STUM: variants seen among roughly 807,000 people sequenced by gnomAD.
The protein encoded by STUM is protein stum homolog.
STUM carries 8 observed loss-of-function variants against 15.3 expected under a neutral mutation model. The observed-to-expected ratio is 0.52, with a 90% CI of 0.31 to 0.94. The LOEUF is 0.94. STUM is among the 40% of genes least tolerant of loss of function. The probability of loss-of-function intolerance (pLI) is 0.05; values close to 1 mark genes in which losing one functional copy is unlikely to be tolerated. For missense variants in STUM, 142 were observed against 204.9 expected (o/e 0.69, Z 1.87); for synonymous variants, 78 against 88.7 (o/e 0.88, Z 0.68).
At chr1:226,593,190 A>C (rs1668118300) in intron 1 of STUM, among the ~76,000 whole-genome samples, 1 of 151,170 alleles carries the variant, frequency 6.6e-6, no homozygotes, top group Non-Finnish European at 1.5e-5. Context: ...CGTCTCAAAA[A>C]AAAAAAAAAA....
chr1:226,584,774 C>T (rs1383275873), intron 1 of STUM, among the ~76,000 whole-genome samples: 1 of 152,150 alleles, frequency 6.6e-6, no homozygotes, highest in African/African-American at 2.4e-5. Context: ...GCATCTGTCC[C>T]CTAGTTTACT....
At chr1:226,592,824 A>G (rs1668111109) in intron 1 of STUM, among the ~76,000 whole-genome samples, 1 of 152,188 alleles carries the variant, frequency 6.6e-6, no homozygotes, top group Admixed American at 6.5e-5. Context: ...CCCTGAGCCC[A>G]CATCTCCCCC....
intron 1 of STUM, among the ~76,000 whole-genome samples, chr1:226,553,731 T>A (rs1225633991): frequency 2.0e-5 from 3 of 152,222 alleles, no homozygotes; most frequent in African/African-American, 7.2e-5. Context: ...CAGTGGTGCA[T>A]GATATGGACT....
At chr1:226,557,830 C>T (rs1460014616) in intron 1 of STUM, among the ~76,000 whole-genome samples, 1 of 152,162 alleles carries the variant, frequency 6.6e-6, no homozygotes, top group African/African-American at 2.4e-5. Context: ...AATGGTTCAA[C>T]ATATGCAAAT....
At chr1:226,557,963 G>T (rs1201471929) in intron 1 of STUM, among the ~76,000 whole-genome samples, 2 of 152,144 alleles carry the variant, frequency 1.3e-5, no homozygotes, top group African/African-American at 4.8e-5. Context: ...TCTCACCAAA[G>T]TTAGGTGTAG....
intron 1 of STUM, among the ~76,000 whole-genome samples, chr1:226,592,932 T>C (rs1440977431): frequency 1.3e-5 from 2 of 152,180 alleles, no homozygotes; most frequent in African/African-American, 2.4e-5. Flanking sequence ...GCGCCTGTAA[T>C]CCCAGCACTT....
In STUM at chr1:226,553,637, T is replaced by C. The variant is rs571883461; in HGVS notation, c.202+4531T>C. 5.3e-5 allele frequency among the ~76,000 whole-genome samples: 8 copies of C among 152,352 alleles called. No individual in the cohort carries two copies. In the South Asian group the frequency reaches 1.7e-3, roughly 32 times the overall value. ...TCTTATGAAAGGGATAGCCTAAATA[T>C]GAAGCAGTCCAAAATGTGGCCTGAT... On this transcript the variant is annotated intron_variant, in intron 1 of 3. Coordinates refer to ENST00000366788, the MANE Select transcript of STUM (RefSeq NM_001003665.4).
In STUM at chr1:226,552,202, G is replaced by A. The variant is rs1016060014; in HGVS notation, c.202+3096G>A. On this transcript the variant is annotated intron_variant, in intron 1 of 3. Transcript: ENST00000366788. This position sits in a 1 kb window ranked among gnomAD's most constrained non-coding sequence, Gnocchi z 4.7. ...TCTCCACCCAAGCAACAGTGCTCTC[G>A]GGATAACACTCATATCATGAGTGGG... Among the ~76,000 whole-genome samples, 5 of 152,166 alleles carry A rather than the reference G, an allele frequency of 3.3e-5. No homozygotes were observed. The highest frequency in any genetic ancestry group is 1.9e-4 in the East Asian group (1 of 5,174).
intron 3 of STUM, among the ~76,000 whole-genome samples, 174 bp from the exon 4 acceptor site, chr1:226,601,832 G>C (rs1239225642): frequency 4.6e-5 from 7 of 151,406 alleles, no homozygotes; most frequent in Non-Finnish European, 1.0e-4. Context: ...TCATTCTTTT[G>C]TTTCCCATTA....
At chr1:226,587,109 C>T (rs1029667131) in intron 1 of STUM, among the ~76,000 whole-genome samples, 8 of 152,176 alleles carry the variant, frequency 5.3e-5, no homozygotes, top group South Asian at 2.1e-4. Flanking sequence ...TCCCCAGCCC[C>T]GCCACAGAGT....
chr1:226,568,063 G>A (rs910870271), intron 1 of STUM, among the ~76,000 whole-genome samples: 12 of 152,120 alleles, frequency 7.9e-5, no homozygotes, highest in Non-Finnish European at 1.2e-4. Context: ...CCTAAGACAA[G>A]TGCACATCCA....
intron 1 of STUM, among the ~76,000 whole-genome samples, chr1:226,595,129 C>A (rs1668158697): frequency 6.6e-6 from 1 of 152,204 alleles, no homozygotes. Context: ...CAGTGCAGCC[C>A]CCAGTTAGTC....
chr1:226,594,178 G>T (rs1384185043), intron 1 of STUM, among the ~76,000 whole-genome samples: 2 of 152,090 alleles, frequency 1.3e-5, no homozygotes, highest in Admixed American at 1.3e-4. Context: ...AGGTGTGGGT[G>T]AGAGCAAAGG....
intron 1 of STUM, among the ~76,000 whole-genome samples, chr1:226,572,024 T>C (rs1667719730): frequency 1.3e-5 from 2 of 152,156 alleles, no homozygotes; most frequent in Admixed American, 1.3e-4. Context: ...ACCTGTGTTG[T>C]CAGAGCTGCT....
At chr1:226,583,220 A>G (rs370801753) in intron 1 of STUM, among the ~76,000 whole-genome samples, 5 of 151,802 alleles carry the variant, frequency 3.3e-5, no homozygotes, top group East Asian at 3.8e-4. Context: ...CTACTTCTTA[A>G]TGGGAGGAGC....
In STUM at chr1:226,557,050, C is replaced by G. The variant is rs1479990783; in HGVS notation, c.202+7944C>G. On this transcript the variant is annotated intron_variant, in intron 1 of 3. Transcript: ENST00000366788. Reference sequence around the variant, plus strand: ...ATACTCTATTATTAACTATATTTACCACACTGTGCAATAGAACTCAAAAAA... The same window carrying G: ...ATACTCTATTATTAACTATATTTACGACACTGTGCAATAGAACTCAAAAAA... Among the ~76,000 whole-genome samples the G allele has an allele frequency of 2.6e-5, 4 of 152,102 alleles. No individual in the cohort carries two copies. The East Asian group carries it at 7.7e-4, about 29-fold the overall frequency.
intron 1 of STUM, among the ~76,000 whole-genome samples, chr1:226,576,531 T>C (rs966916023): frequency 5.3e-5 from 8 of 152,204 alleles, no homozygotes; most frequent in Non-Finnish European, 1.2e-4. Flanking sequence ...ACTAGTGAGT[T>C]AGTGGACACC....
chr1:226,561,761 G>A (rs991770841), intron 1 of STUM, among the ~76,000 whole-genome samples: 3 of 152,182 alleles, frequency 2.0e-5, no homozygotes, highest in Admixed American at 2.0e-4. Context: ...TGGATGAGGA[G>A]CAGGATATTT....
chr1:226,567,103 G>A lies in STUM; in HGVS notation c.202+17997G>A, dbSNP rs1419922681. On this transcript the variant is annotated intron_variant, in intron 1 of 3. Transcript: ENST00000366788. This position sits in a 1 kb window ranked among gnomAD's most constrained non-coding sequence, Gnocchi z 4.5. ...CTTCTTGGAAGTAGATCTGGTTGGG[G>A]GAGAAGGAGACCAGCCTGTTCCTAG... is the stretch of plus-strand genomic sequence containing the variant. 1.3e-5 allele frequency among the ~76,000 whole-genome samples: 2 copies of A among 152,178 alleles called. No individual in the cohort carries two copies. The highest frequency in any genetic ancestry group is 2.9e-5 in the Non-Finnish European group (2 of 68,028).
Sources: gnomAD v4.1 joint callset for allele counts (sites outside exome capture counted in the v4.1 genomes callset) on GRCh38, gnomAD v4.1.1 for gene constraint, Gnocchi (gnomAD v3.1) non-coding constraint, MANE v1.5 for transcripts, NCBI Gene and HGNC (gene_info 2026-07-23, HGNC 2026-07-21) for gene names.